Variants in CDHR3 observed in about 807,000 individuals in gnomAD.
CDHR3 encodes cadherin related family member 3.
Under a neutral mutation model 86.6 loss-of-function variants are expected in CDHR3, and 79 were observed. The observed-to-expected ratio is 0.91, with a 90% CI of 0.76 to 1.10. The LOEUF (loss-of-function observed/expected upper bound fraction) is 1.10. CDHR3 is among the 50% of genes least tolerant of loss of function. The pLI, the probability that CDHR3 is intolerant of heterozygous loss-of-function variation, is 0.00. For synonymous variants in CDHR3, 421 were observed against 402.4 expected (o/e 1.05, Z -0.55); for missense variants, 1,081 against 1,077.6 (o/e 1.00, Z -0.04).
chr7:106,022,146 C>G, intron 13 of CDHR3, 52 bp from the exon 14 acceptor site: 1 of 1,601,184 alleles, frequency 6.2e-7, no homozygotes, highest in Non-Finnish European at 8.5e-7. Flanking sequence ...ACCTTTATTT[C>G]TTACTCTCTT....
At chr7:106,017,695 A>G in intron 11 of CDHR3, 151 bp from the exon 12 acceptor site, 1 of 640,614 alleles carries the variant, frequency 1.6e-6, no homozygotes, top group Non-Finnish European at 2.7e-6. Context: ...CATTATTTCA[A>G]TTTAGTAGAA....
In CDHR3 at chr7:106,022,361, A is replaced by G. The variant is rs1298339452; in HGVS notation, c.1989A>G (p.Lys663=). ...TDDNLMSDRK[K]AEALVETGTV... is the part of the protein sequence containing the mutation. The stretch of plus-strand genomic sequence containing the variant: ...ACAACTTGATGTCTGACAGGAAGAA[A>G]GCGGAGGCTCTTGTTGAGACAGGAA... Residue 663 remains lysine, a synonymous_variant, in exon 14 of 19, where the codon AAA becomes AAG. Transcript: ENST00000317716. 4 of 1,613,930 alleles carry G rather than the reference A, an allele frequency of 2.5e-6. No homozygotes were observed. Among genetic ancestry groups the G allele is most frequent in the Non-Finnish European group, 3.4e-6 (4 of 1,179,904 alleles).
rs536387988 is a variant in CDHR3 at position 106,025,077 on chromosome 7, G to T, written c.2258+515G>T. On this transcript the variant is annotated intron_variant, in intron 15 of 18. Coordinates refer to ENST00000317716, the MANE Select transcript of CDHR3 (RefSeq NM_152750.5). Reference sequence around the variant, plus strand: ...TCTCTCACTCTTAAGGGTTGTAAACGCAGGCCTGTTTTCTCTTTTTCCAGT... The same window carrying T: ...TCTCTCACTCTTAAGGGTTGTAAACTCAGGCCTGTTTTCTCTTTTTCCAGT... 2.7e-4 allele frequency among the ~76,000 whole-genome samples: 41 copies of T among 152,232 alleles called. No homozygotes were observed. The South Asian group carries it at 7.9e-3, about 29-fold the overall frequency.
chr7:105,975,147 T>A, intron 2 of CDHR3, 101 bp downstream of exon 2: 2 of 1,023,550 alleles, frequency 2.0e-6, no homozygotes, highest in South Asian at 2.7e-5. Context: ...CTCCATCTGG[T>A]TTAATCTTCC....
chr7:106,028,671 T>A, intron 17 of CDHR3, 89 bp downstream of exon 17: 4 of 1,408,352 alleles, frequency 2.8e-6, no homozygotes, highest in Non-Finnish European at 4.0e-6. Context: ...CACAGCCTTG[T>A]GGGCATGTTT....
intron 1 of CDHR3, among the ~76,000 whole-genome samples, chr7:105,972,865 T>C (rs553527033): frequency 6.6e-6 from 1 of 152,260 alleles, no homozygotes; most frequent in Non-Finnish European, 1.5e-5. Context: ...TTATGCATTA[T>C]GCATTTTAGC....
intron 4 of CDHR3, among the ~76,000 whole-genome samples, chr7:105,991,538 T>C (rs1185765884): frequency 6.6e-6 from 1 of 152,244 alleles, no homozygotes; most frequent in Non-Finnish European, 1.5e-5. Context: ...CATAAGTTGT[T>C]GAGACTGTGG....
At chr7:105,978,144 G>C (rs1829108085) in intron 2 of CDHR3, among the ~76,000 whole-genome samples, 1 of 152,210 alleles carries the variant, frequency 6.6e-6, no homozygotes, top group Non-Finnish European at 1.5e-5. Flanking sequence ...GCTGCCCCAA[G>C]AATTATTGTT....
chr7:105,975,174 G>A (rs1288358574), intron 2 of CDHR3, 128 bp downstream of exon 2: 13 of 842,206 alleles, frequency 1.5e-5, no homozygotes, highest in Non-Finnish European at 2.3e-5. Flanking sequence ...TAAGGTCCAG[G>A]AGTCCTGTCT....
chr7:106,016,961 G>A (rs1835728463), intron 11 of CDHR3, among the ~76,000 whole-genome samples: 2 of 152,126 alleles, frequency 1.3e-5, no homozygotes, highest in Non-Finnish European at 2.9e-5. Context: ...CTGCCCTTGA[G>A]GAGTGTAATT....
In CDHR3 at chr7:106,022,334, T is replaced by C. The variant is rs1422983680; in HGVS notation, c.1962T>C (p.Asp654=). The C allele has an allele frequency of 6.2e-7, 1 of 1,614,054 alleles. No homozygotes were observed. The highest frequency in any genetic ancestry group is 1.1e-5 in the South Asian group (1 of 91,088). The change falls in exon 14 of 19, where the codon GAT becomes GAC. Residue 654 remains aspartate (D), a synonymous_variant. Coordinates refer to ENST00000317716, the MANE Select transcript of CDHR3 (RefSeq NM_152750.5). The part of the protein sequence containing the change: ...WDYKLLVYVT[D]DNLMSDRKKA... ...ACAAGCTACTTGTCTACGTAACTGA[T>C]GACAACTTGATGTCTGACAGGAAGA...
At chr7:106,005,810 A>T (rs1833871147) in intron 8 of CDHR3, among the ~76,000 whole-genome samples, 1 of 152,014 alleles carries the variant, frequency 6.6e-6, no homozygotes, top group African/African-American at 2.4e-5. Context: ...GATCCATGTG[A>T]CCTCGAGTCT....
intron 14 of CDHR3, among the ~76,000 whole-genome samples, chr7:106,024,116 T>TG (rs1238553471): frequency 3.9e-5 from 6 of 152,216 alleles, no homozygotes. Flanking sequence ...TTTTTAGCTT[T>TG]GGGGAAGGGG....
intron 6 of CDHR3, among the ~76,000 whole-genome samples, chr7:105,998,834 A>G (rs1224408045): frequency 6.6e-6 from 1 of 151,994 alleles, no homozygotes; most frequent in Non-Finnish European, 1.5e-5. Flanking sequence ...TGACATATTT[A>G]CTGTTTCCCT....
chr7:106,005,814 C>T (rs751750750), intron 8 of CDHR3, among the ~76,000 whole-genome samples: 3 of 152,282 alleles, frequency 2.0e-5, no homozygotes, highest in African/African-American at 7.2e-5. Flanking sequence ...CATGTGACCT[C>T]GAGTCTGATA....
chr7:105,990,326 C>A (rs1227630036), intron 4 of CDHR3, among the ~76,000 whole-genome samples: 1 of 152,160 alleles, frequency 6.6e-6, no homozygotes, highest in Non-Finnish European at 1.5e-5. Flanking sequence ...GAACCACGAG[C>A]AGGAGCCACG....
At chr7:106,022,658 A>G (rs908311536) in intron 14 of CDHR3, among the ~76,000 whole-genome samples, 1 of 152,204 alleles carries the variant, frequency 6.6e-6, no homozygotes, top group Non-Finnish European at 1.5e-5. Context: ...TAACTCAACC[A>G]CTAACATTTC....
chr7:105,965,048 A>C (rs534575245), intron 1 of CDHR3, among the ~76,000 whole-genome samples: 1 of 152,378 alleles, frequency 6.6e-6, no homozygotes, highest in South Asian at 2.1e-4. Context: ...TTTTATCAGA[A>C]GTGTGAAAGG....
At chr7:106,006,820 T>C (rs1418515094) in intron 8 of CDHR3, among the ~76,000 whole-genome samples, 1 of 152,158 alleles carries the variant, frequency 6.6e-6, no homozygotes, top group Non-Finnish European at 1.5e-5. Flanking sequence ...ACAGTGGCCC[T>C]CTTCTCACAG....
Sources: allele counts gnomAD v4.1 joint callset (sites outside exome capture counted in the v4.1 genomes callset), GRCh38; gene constraint gnomAD v4.1.1; transcripts MANE v1.5; gene names NCBI Gene and HGNC (gene_info 2026-07-23, HGNC 2026-07-21).